The following SLC9C1 variants were observed in gnomAD, a reference collection of about 807,000 sequenced individuals.
SLC9C1 encodes the protein solute carrier family 9 member C1.
A neutral mutation model predicts 140.9 loss-of-function variants in SLC9C1; 97 were observed. The ratio of observed to expected loss-of-function variants is 0.69; its 90% CI spans 0.58 to 0.82. The LOEUF (loss-of-function observed/expected upper bound fraction) is 0.82. Ranked by LOEUF, SLC9C1 falls within the 40% of genes least tolerant of loss-of-function variation. The pLI is 0.00. For synonymous variants in SLC9C1, 440 were observed against 442.6 expected, an observed-to-expected ratio of 0.99 and a Z score of 0.07; for missense variants, 1,340 against 1,389.3, an observed-to-expected ratio of 0.96 and a Z score of 0.56.
chr3:112,270,402 C>G (rs2080039122), intron 6 of SLC9C1, among the ~76,000 whole-genome samples: 1 of 152,216 alleles, frequency 6.6e-6, no homozygotes, highest in African/African-American at 2.4e-5. Context: ...CTTACTAACA[C>G]TTCTCTTTTA....
intron 14 of SLC9C1, among the ~76,000 whole-genome samples, chr3:112,218,435 T>TG (rs2078447322): frequency 7.0e-6 from 1 of 143,356 alleles, no homozygotes; most frequent in Non-Finnish European, 1.6e-5. Flanking sequence ...ACTTTAAAAC[T>TG]TGTATATATA....
intron 23 of SLC9C1, among the ~76,000 whole-genome samples, chr3:112,173,628 C>T (rs2077285640): frequency 6.6e-6 from 1 of 152,210 alleles, no homozygotes; most frequent in African/African-American, 2.4e-5. Flanking sequence ...TTTTCTATGG[C>T]TGCATAGTAT....
chr3:112,180,845 G>T (rs2077425908), intron 21 of SLC9C1, among the ~76,000 whole-genome samples, 183 bp from the exon 22 acceptor site: 1 of 152,118 alleles, frequency 6.6e-6, no homozygotes, highest in African/African-American at 2.4e-5. Context: ...AAGCCAAGGA[G>T]AATTGCTTGA....
intron 3 of SLC9C1, among the ~76,000 whole-genome samples, chr3:112,279,271 T>C (rs762135078): frequency 1.3e-5 from 2 of 152,194 alleles, no homozygotes; most frequent in African/African-American, 2.4e-5. Flanking sequence ...CCACGGTTTA[T>C]GCATACAGGC....
At chr3:112,201,401 A>C (rs948481480) in intron 18 of SLC9C1, among the ~76,000 whole-genome samples, 1 of 152,090 alleles carries the variant, frequency 6.6e-6, no homozygotes, top group African/African-American at 2.4e-5. Flanking sequence ...ATAAAACATA[A>C]GAAAATAGTT....
intron 13 of SLC9C1, among the ~76,000 whole-genome samples, chr3:112,222,288 C>T (rs1305620609): frequency 6.6e-6 from 1 of 151,998 alleles, no homozygotes; most frequent in Non-Finnish European, 1.5e-5. Flanking sequence ...TTATCTTTCC[C>T]AATGGGAACG....
At chr3:112,224,785 A>G (rs1464768450) in intron 13 of SLC9C1, among the ~76,000 whole-genome samples, 1 of 151,866 alleles carries the variant, frequency 6.6e-6, no homozygotes, top group African/African-American at 2.4e-5. Flanking sequence ...AGATACATAG[A>G]TAAGAAAGAA....
At chr3:112,255,305 A>C (rs2079574594) in intron 10 of SLC9C1, among the ~76,000 whole-genome samples, 1 of 152,068 alleles carries the variant, frequency 6.6e-6, no homozygotes, top group Non-Finnish European at 1.5e-5. Flanking sequence ...CCACATGGCA[A>C]AAAGTCTAAA....
intron 3 of SLC9C1, among the ~76,000 whole-genome samples, chr3:112,279,341 G>T (rs1012485889): frequency 6.6e-6 from 1 of 152,140 alleles, no homozygotes; most frequent in Non-Finnish European, 1.5e-5. Flanking sequence ...TAGAAGCAGA[G>T]CAAGTGTTGT....
At chr3:112,166,141 T>C (rs1436665819) in intron 26 of SLC9C1, among the ~76,000 whole-genome samples, 1 of 152,042 alleles carries the variant, frequency 6.6e-6, no homozygotes, top group East Asian at 1.9e-4. Flanking sequence ...AGGGTGGGAG[T>C]GACCCGATTT....
At chr3:112,147,203 G>A (rs559911278) in intron 28 of SLC9C1, among the ~76,000 whole-genome samples, 1 of 152,320 alleles carries the variant, frequency 6.6e-6, no homozygotes, top group South Asian at 2.1e-4. Flanking sequence ...TGTGTGAGAT[G>A]CGTTTCTTGA....
chr3:112,258,490 A>G (rs546482036), intron 10 of SLC9C1, among the ~76,000 whole-genome samples: 1 of 151,908 alleles, frequency 6.6e-6, no homozygotes, highest in East Asian at 1.9e-4. Flanking sequence ...CTGGAGTGCA[A>G]CAGTGCAATC....
chr3:112,281,053 A>G (rs1267625592), intron 2 of SLC9C1, among the ~76,000 whole-genome samples: 1 of 152,190 alleles, frequency 6.6e-6, no homozygotes, highest in Non-Finnish European at 1.5e-5. Context: ...TTGGGTTACT[A>G]TTGAAATATT....
At chr3:112,239,710 T>C in intron 12 of SLC9C1, 130 bp downstream of exon 12, 2 of 933,266 alleles carry the variant, frequency 2.1e-6, no homozygotes, top group Non-Finnish European at 3.1e-6. Flanking sequence ...CTTTGTTAAA[T>C]AGAGTTATTA....
rs763003593 is a variant in SLC9C1 at position 112,277,746 on chromosome 3, T to A, written c.433A>T (p.Ile145Phe). 1 of 1,611,712 alleles carries A rather than the reference T, an allele frequency of 6.2e-7. No individual in the cohort carries two copies. The highest frequency in any genetic ancestry group is 8.5e-7 in the Non-Finnish European group (1 of 1,178,822). The stretch of plus-strand genomic sequence containing the variant: ...AGCATGGGATCTGAACTCACAAGGA[T>A]AGCTGAAAATAATAACCATTGGGTA... ...KPTQWLLFSA[I>F]LVSSDPMLTA... Residue 145 changes from isoleucine (I) to phenylalanine (F), a missense_variant, in exon 5 of 29, where the codon ATC becomes TTC. Ile to Phe is a conservative substitution (Grantham distance 21, BLOSUM62 0). Coordinates refer to ENST00000305815, the MANE Select transcript of SLC9C1 (RefSeq NM_183061.3).
chr3:112,202,605 G>T (rs1035537376), intron 17 of SLC9C1, among the ~76,000 whole-genome samples: 4 of 151,656 alleles, frequency 2.6e-5, no homozygotes, highest in African/African-American at 9.7e-5. Context: ...AATAATTTGG[G>T]GGTACCTATG....
chr3:112,194,326 T>C (rs534262359), intron 20 of SLC9C1, among the ~76,000 whole-genome samples: 80 of 152,234 alleles, frequency 5.3e-4, no homozygotes, highest in Non-Finnish European at 8.7e-4. Context: ...GTGGGGGAGA[T>C]GGGGCTGCAG....
intron 12 of SLC9C1, among the ~76,000 whole-genome samples, chr3:112,235,036 G>A (rs1400105290): frequency 1.3e-5 from 2 of 151,266 alleles, no homozygotes; most frequent in Non-Finnish European, 2.9e-5. Flanking sequence ...AGCTTGATGG[G>A]GATGGCATTG....
chr3:112,213,169 C>T (rs1222251880), intron 15 of SLC9C1, among the ~76,000 whole-genome samples: 2 of 152,160 alleles, frequency 1.3e-5, no homozygotes, highest in African/African-American at 2.4e-5. Context: ...GAGACTTTGT[C>T]ACCACCAGGC....
Sources: gnomAD v4.1 joint callset for allele counts (sites outside exome capture counted in the v4.1 genomes callset) on GRCh38, gnomAD v4.1.1 for gene constraint, MANE v1.5 for transcripts, NCBI Gene and HGNC (gene_info 2026-07-23, HGNC 2026-07-21) for gene names.